ZMIZ1: variants seen among roughly 807,000 people sequenced by gnomAD.
ZMIZ1 encodes zinc finger MIZ-type containing 1.
In ZMIZ1, 17 loss-of-function variants were observed where a neutral mutation model predicts 113.9. The observed-to-expected ratio is 0.15, with a 90% confidence interval of 0.10 to 0.22. The LOEUF is 0.22. ZMIZ1 is among the 10% of genes least tolerant of loss of function. The probability of loss-of-function intolerance (pLI) is 1.00; values close to 1 mark genes in which losing one functional copy is unlikely to be tolerated. For missense variants in ZMIZ1, 1,059 were observed against 1,477.8 expected, an observed-to-expected ratio of 0.72 and a Z score of 4.65; for synonymous variants, 607 against 603.1, an observed-to-expected ratio of 1.01 and a Z score of -0.09.
intron 7 of ZMIZ1, among the ~76,000 whole-genome samples, chr10:79,218,761 GAA>G: frequency 6.6e-6 from 1 of 152,280 alleles, no homozygotes; most frequent in East Asian, 1.9e-4. Context: ...AAGAAAAAGA[GAA>G]AGAGCGTCTT....
At chr10:79,116,556 T>G in intron 1 of ZMIZ1, among the ~76,000 whole-genome samples, 1 of 151,488 alleles carries the variant, frequency 6.6e-6, no homozygotes, top group African/African-American at 2.4e-5. Flanking sequence ...CCTGTGGGGG[T>G]GCACAGAAGA....
At chr10:79,251,426 G>A (rs1264415260) in intron 7 of ZMIZ1, among the ~76,000 whole-genome samples, 2 of 152,116 alleles carry the variant, frequency 1.3e-5, no homozygotes, top group African/African-American at 4.8e-5. Flanking sequence ...CATGTTTGTG[G>A]GAGGCGTGTT....
chr10:79,091,644 A>C lies in ZMIZ1; in HGVS notation c.-337+22374A>C, dbSNP rs117913566. 1.8e-3 allele frequency among the ~76,000 whole-genome samples: 278 copies of C among 152,250 alleles called. 2 individuals are homozygous for C. The East Asian group carries it at 0.026, about 14-fold the overall frequency. On this transcript the variant is annotated intron_variant, in intron 1 of 24. Coordinates refer to ENST00000334512, the MANE Select transcript of ZMIZ1 (RefSeq NM_020338.4). Reference sequence around the variant, plus strand: ...AGGATGGAGAGGCTTTAGCTAGAACAAGGCAAGGAGCGGGAGGAAAGGTAC... The same window carrying C: ...AGGATGGAGAGGCTTTAGCTAGAACCAGGCAAGGAGCGGGAGGAAAGGTAC...
chr10:79,155,748 C>T (rs1425368773), intron 3 of ZMIZ1, among the ~76,000 whole-genome samples: 3 of 152,372 alleles, frequency 2.0e-5, no homozygotes, highest in Non-Finnish European at 4.4e-5. Context: ...CTCTGCCCCA[C>T]GAATGCAGCT....
chr10:79,209,075 G>A (rs1296290565), intron 6 of ZMIZ1, among the ~76,000 whole-genome samples: 6 of 152,124 alleles, frequency 3.9e-5, no homozygotes, highest in Non-Finnish European at 8.8e-5. Context: ...ATCCTGAACT[G>A]GCTGGGTGGC....
Position 79,289,759 on chromosome 10 carries a change from CTG to C in ZMIZ1, c.426-14_426-13del. ...CCTGCCAGGCCCTGAAGATCTCCCT[CTG>C]TCTCCCTCTGCAGTGATGGGTCGTT... On this transcript the variant is annotated splice_polypyrimidine_tract_variant and intron_variant, in intron 8 of 24. Coordinates refer to ENST00000334512, the MANE Select transcript of ZMIZ1 (RefSeq NM_020338.4). 6.2e-7 allele frequency: 1 copy of C among 1,610,118 alleles called. No individual in the cohort carries two copies. The highest frequency in any genetic ancestry group is 8.5e-7 in the Non-Finnish European group (1 of 1,176,818).
chr10:79,256,614 A>T (rs1850918705), intron 7 of ZMIZ1, among the ~76,000 whole-genome samples: 1 of 152,172 alleles, frequency 6.6e-6, no homozygotes, highest in African/African-American at 2.4e-5. Context: ...CTGTGGTTTC[A>T]CAAGAAATGC....
chr10:79,281,442 T>G (rs1852735202), intron 8 of ZMIZ1, among the ~76,000 whole-genome samples: 2 of 152,112 alleles, frequency 1.3e-5, no homozygotes, highest in South Asian at 4.1e-4. Flanking sequence ...GGTAGTTGCA[T>G]TCTATGAATT....
intron 1 of ZMIZ1, among the ~76,000 whole-genome samples, chr10:79,112,881 A>G (rs776587538): frequency 1.1e-4 from 16 of 152,162 alleles, no homozygotes; most frequent in East Asian, 1.9e-4. Context: ...AAACAACCAC[A>G]CTCCCCAGAA....
At chr10:79,306,486 TC>T in intron 22 of ZMIZ1, 142 bp downstream of exon 22, 1 of 1,405,568 alleles carries the variant, frequency 7.1e-7, no homozygotes, top group Non-Finnish European at 9.6e-7. Flanking sequence ...AAAAAACAAT[TC>T]CCAGTTTGCT....
chr10:79,311,134 G>A lies in ZMIZ1; in HGVS notation c.3046G>A (p.Gly1016Ser), dbSNP rs761857067. 4 of 1,613,616 alleles carry A rather than the reference G, an allele frequency of 2.5e-6. No homozygotes were observed. Residue 1016 changes from glycine (G) to serine (S), a missense_variant, in exon 24 of 25, where the codon GGT (glycine) becomes AGT (serine). Physicochemically the swap from Gly to Ser is moderately conservative, Grantham distance 56. Transcript: ENST00000334512. Reference protein sequence around the residue: ...LTFNPSSALEGQAGAQGASDM... With the variant: ...LTFNPSSALESQAGAQGASDM... ...CTTTAACCCCTCCTCAGCCTTAGAG[G>A]GTCAGGCCGGAGCGCAGGGAGCGTC... is the stretch of plus-strand genomic sequence containing the variant.
At chr10:79,176,612 G>T (rs929004771) in intron 4 of ZMIZ1, among the ~76,000 whole-genome samples, 2 of 150,324 alleles carry the variant, frequency 1.3e-5, no homozygotes, top group Non-Finnish European at 3.0e-5. Context: ...AGTTTACCGA[G>T]AATTTCCCAG....
intron 1 of ZMIZ1, among the ~76,000 whole-genome samples, chr10:79,104,202 C>T (rs1483545118): frequency 2.6e-5 from 4 of 152,234 alleles, no homozygotes; most frequent in African/African-American, 2.4e-5. Flanking sequence ...TCTTCAGGGT[C>T]TCCGTGTGAA....
chr10:79,096,455 T>C (rs1038118898), intron 1 of ZMIZ1, among the ~76,000 whole-genome samples: 5 of 151,932 alleles, frequency 3.3e-5, no homozygotes, highest in African/African-American at 9.7e-5. Context: ...GAGCTTGCAG[T>C]GAGCCGAGAT....
At chr10:79,138,311 A>G (rs76434319) in intron 2 of ZMIZ1, among the ~76,000 whole-genome samples, 1,957 of 152,288 alleles carry the variant, frequency 0.013, 33 homozygotes, top group African/African-American at 0.045. Flanking sequence ...CTCCAGATCT[A>G]CCTAGAAAGG....
chr10:79,070,702 C>A (rs1842242286), intron 1 of ZMIZ1, among the ~76,000 whole-genome samples: 1 of 152,068 alleles, frequency 6.6e-6, no homozygotes, highest in South Asian at 2.1e-4. Context: ...TGCTTGGTAC[C>A]CTTGCCTGAC....
At chr10:79,217,430 A>AAAAG (rs1345905783) in intron 7 of ZMIZ1, among the ~76,000 whole-genome samples, 7 of 152,232 alleles carry the variant, frequency 4.6e-5, no homozygotes, top group African/African-American at 1.7e-4. Context: ...GTCTCAAAAA[A>AAAAG]AAAGAAAGAA....
chr10:79,311,579 C>T (rs1855169572), intron 24 of ZMIZ1, among the ~76,000 whole-genome samples: 1 of 152,084 alleles, frequency 6.6e-6, no homozygotes, highest in African/African-American at 2.4e-5. Context: ...CTGTCTGCCT[C>T]GCTGGTGTGT....
At chr10:79,070,680 G>A (rs1842241477) in intron 1 of ZMIZ1, among the ~76,000 whole-genome samples, 1 of 152,060 alleles carries the variant, frequency 6.6e-6, no homozygotes, top group African/African-American at 2.4e-5. Flanking sequence ...CCGCTCCCAG[G>A]TGGGCCAAGG....
Sources: gnomAD v4.1 joint callset for allele counts (sites outside exome capture counted in the v4.1 genomes callset) on GRCh38, gnomAD v4.1.1 for gene constraint, MANE v1.5 for transcripts, NCBI Gene and HGNC (gene_info 2026-07-23, HGNC 2026-07-21) for gene names.